AHI1: variants seen among roughly 807,000 people sequenced by gnomAD.
AHI1 encodes jouberin.
A neutral mutation model predicts 149.3 loss-of-function variants in AHI1; 123 were observed. The ratio of observed to expected loss-of-function variants is 0.82; its 90% CI spans 0.71 to 0.96. AHI1 has a LOEUF of 0.96. Ranked by LOEUF, AHI1 falls within the 40% of genes least tolerant of loss-of-function variation. The pLI, the probability that AHI1 is intolerant of heterozygous loss-of-function variation, is 0.00. For synonymous variants in AHI1, 475 were observed against 459.8 expected (o/e 1.03, Z -0.42); for missense variants, 1,439 against 1,422.7 (o/e 1.01, Z -0.18).
chr6:135,396,528 T>C (rs1403693052), intron 22 of AHI1, among the ~76,000 whole-genome samples: 1 of 151,776 alleles, frequency 6.6e-6, no homozygotes. Context: ...AGTATACAAA[T>C]AAGGTGTTAT....
At position 135,297,674 on chromosome 6, in the gene AHI1, T is replaced by C. The variant is rs369248918; in HGVS notation, c.3485+2826A>G. Among the ~76,000 whole-genome samples, 9 of 152,148 alleles carry C rather than the reference T, an allele frequency of 5.9e-5. 1 individual carries two copies. The highest frequency in any genetic ancestry group is 1.9e-4 in the East Asian group (1 of 5,186). On this transcript the variant is annotated intron_variant, in intron 27 of 28. Coordinates refer to ENST00000265602, the MANE Select transcript of AHI1 (RefSeq NM_001134831.2). ...CACATGACAATAAATGCCTTTAATT[T>C]TAGAAATTGGGGGTAGGATGAGGAT...
rs77477026 is a variant in AHI1, at chr6:135,298,162, A to C, written c.3485+2338T>G. Among the ~76,000 whole-genome samples the C allele has an allele frequency of 1.4e-3, 217 of 152,312 alleles. 2 individuals are homozygous for C. In the East Asian group the frequency reaches 0.037, roughly 26 times the overall value. ...GACTTAGGCAGCAGATAATATATGA[A>C]GAACATCACAGGGCATGCGGTACAA... On this transcript the variant is annotated intron_variant, in intron 27 of 28. Coordinates refer to ENST00000265602, the MANE Select transcript of AHI1 (RefSeq NM_001134831.2).
chr6:135,318,464 C>A, intron 26 of AHI1, 55 bp downstream of exon 26: 1 of 1,099,278 alleles, frequency 9.1e-7, no homozygotes, highest in South Asian at 1.4e-5. Context: ...ATATTTTATC[C>A]AGAGAGAGTG....
chr6:135,362,732 A>G (rs1156451933), intron 23 of AHI1, among the ~76,000 whole-genome samples: 1 of 150,536 alleles, frequency 6.6e-6, no homozygotes, highest in Non-Finnish European at 1.5e-5. Context: ...TTTCTTGCTG[A>G]TTTGTTTGAG....
Position 135,457,696 on chromosome 6 carries a change from CT to C in AHI1, c.948del (p.Asp317MetfsTer10), listed in dbSNP as rs765699483. On this transcript the variant is annotated frameshift_variant, in exon 9 of 29. Transcript: ENST00000265602. LOFTEE classifies it high-confidence loss of function. ...TCATGAACACCATCACCATCAACAT[CT>C]TCATTATTATCTGCAACTACACGCA... is the stretch of plus-strand genomic sequence containing the variant. ...KKTKAVADNN[E>X]DVDGDGVHEI... The C allele has an allele frequency of 6.2e-7, 1 of 1,613,674 alleles. No homozygotes were observed. Among genetic ancestry groups the C allele is most frequent in the Non-Finnish European group, 8.5e-7 (1 of 1,179,788 alleles).
At position 135,447,093 on chromosome 6, in the gene AHI1, C is replaced by A. The variant is rs372894716; in HGVS notation, c.1694G>T (p.Arg565Leu). 1 of 1,611,960 alleles carries A rather than the reference C, an allele frequency of 6.2e-7. No homozygotes were observed. The highest frequency in any genetic ancestry group is 2.2e-5 in the East Asian group (1 of 44,748). Residue 565 changes from arginine to leucine, a missense_variant, in exon 13 of 29, where the codon CGT becomes CTT. Physicochemically the swap from Arg to Leu is moderately radical, Grantham distance 102. Transcript: ENST00000265602. Reference protein sequence around the residue: ...EEKGKPVHCERHHESSSVDTE... With the variant: ...EEKGKPVHCELHHESSSVDTE... ...GTCTACTGAGCTTGACTCATGGTGACGTTCACAATGCACTGGTTTACCTTT... is the reference window on the plus strand; with the variant it reads ...GTCTACTGAGCTTGACTCATGGTGAAGTTCACAATGCACTGGTTTACCTTT...
chr6:135,453,522 T>C, intron 10 of AHI1, 86 bp from the exon 11 acceptor site: 1 of 959,798 alleles, frequency 1.0e-6, no homozygotes, highest in South Asian at 1.6e-5. Context: ...AAATCATTTG[T>C]ATAGTGCTTA....
intron 25 of AHI1, among the ~76,000 whole-genome samples, chr6:135,321,958 C>T (rs1463043125): frequency 3.9e-5 from 6 of 152,124 alleles, no homozygotes; most frequent in Non-Finnish European, 5.9e-5. Context: ...CCCACCACCA[C>T]GCCTGGCTCA....
At chr6:135,354,881 T>C (rs1792719611) in intron 24 of AHI1, among the ~76,000 whole-genome samples, 2 of 152,078 alleles carry the variant, frequency 1.3e-5, no homozygotes, top group Non-Finnish European at 2.9e-5. Flanking sequence ...ACCTAGGACA[T>C]TAGGTATAAA....
chr6:135,341,799 T>C (rs537762450), intron 24 of AHI1, among the ~76,000 whole-genome samples: 1 of 151,624 alleles, frequency 6.6e-6, no homozygotes, highest in East Asian at 1.9e-4. Context: ...ATGTATGGGG[T>C]GTAGAAAAAG....
intron 14 of AHI1, among the ~76,000 whole-genome samples, chr6:135,439,802 T>C (rs1280713781): frequency 7.9e-5 from 12 of 152,144 alleles, no homozygotes; most frequent in Non-Finnish European, 1.5e-4. Context: ...GGTTCAGTAC[T>C]ACTTGAGGTT....
At chr6:135,428,085 A>G (rs1053398898) in intron 19 of AHI1, among the ~76,000 whole-genome samples, 1 of 151,668 alleles carries the variant, frequency 6.6e-6, no homozygotes, top group Admixed American at 6.6e-5. Flanking sequence ...TCTTATTAAA[A>G]ACATTCATGT....
chr6:135,285,254 C>T lies in AHI1; in HGVS notation c.*391G>A. On this transcript the variant is annotated 3_prime_UTR_variant, in exon 29 of 29. Coordinates refer to ENST00000265602, the MANE Select transcript of AHI1 (RefSeq NM_001134831.2). ...ATAGCATCACACATACAACCATTAC[C>T]AATATAATAATATTAAATGATTACT... The T allele has an allele frequency of 4.2e-6, 1 of 239,748 alleles. No individual in the cohort carries two copies. The allele number at this position is 239,748 out of a possible 1,614,324, so 14.9% of individuals were successfully genotyped here.
intron 26 of AHI1, among the ~76,000 whole-genome samples, chr6:135,303,038 A>T (rs1784088447): frequency 6.6e-6 from 1 of 152,234 alleles, no homozygotes; most frequent in South Asian, 2.1e-4. Context: ...AAGGACCAGA[A>T]TCTAGAGACT....
chr6:135,434,721 A>G (rs1462757871), intron 15 of AHI1, among the ~76,000 whole-genome samples: 1 of 152,140 alleles, frequency 6.6e-6, no homozygotes, highest in African/African-American at 2.4e-5. Flanking sequence ...AAATCAGACC[A>G]GATCATAGAG....
chr6:135,340,322 A>G (rs1790092631), intron 24 of AHI1, among the ~76,000 whole-genome samples: 1 of 152,044 alleles, frequency 6.6e-6, no homozygotes. Flanking sequence ...CGGTAAGCTG[A>G]GATCGCACCG....
chr6:135,487,903 CT>C (rs560154810), intron 5 of AHI1, among the ~76,000 whole-genome samples: 281 of 147,106 alleles, frequency 1.9e-3, no homozygotes, highest in African/African-American at 4.3e-3. Context: ...AATCTTAAAT[CT>C]TTTTTTTTTT....
At chr6:135,300,816 C>CAAAA (rs35584012) in intron 26 of AHI1, 93 of 941,760 alleles carry the variant, frequency 9.9e-5, no homozygotes, top group South Asian at 1.5e-4. Context: ...GGTATGTGAC[C>CAAAA]AAAAAAAAAA....
At chr6:135,322,792 G>A (rs943356816) in intron 25 of AHI1, among the ~76,000 whole-genome samples, 2 of 152,190 alleles carry the variant, frequency 1.3e-5, no homozygotes, top group African/African-American at 2.4e-5. Flanking sequence ...GAATGCAGTT[G>A]GGGAACTAGA....
Sources: allele counts gnomAD v4.1 joint callset (sites outside exome capture counted in the v4.1 genomes callset), GRCh38; gene constraint gnomAD v4.1.1; transcripts MANE v1.5; gene names NCBI Gene and HGNC (gene_info 2026-07-23, HGNC 2026-07-21).